Variants in ZNF423 observed in about 807,000 individuals in gnomAD.
The protein encoded by ZNF423 is zinc finger protein 423.
In ZNF423, 12 loss-of-function variants were observed where a neutral mutation model predicts 95.8. That is an observed-to-expected ratio of 0.13 (90% CI 0.08 to 0.20). ZNF423 has a LOEUF of 0.20. ZNF423 is among the 10% of genes least tolerant of loss of function. The pLI, the probability that ZNF423 is intolerant of heterozygous loss-of-function variation, is 1.00. For synonymous variants in ZNF423, 749 were observed against 711.9 expected (o/e 1.05, Z -0.83); for missense variants, 1,316 against 1,737.1 (o/e 0.76, Z 4.31).
chr16:49,696,489 C>T (rs939879569), intron 3 of ZNF423, among the ~76,000 whole-genome samples: 8 of 152,300 alleles, frequency 5.3e-5, no homozygotes, highest in African/African-American at 1.4e-4. Flanking sequence ...CCATCAGCCC[C>T]GCTCTCAAGG....
At chr16:49,730,117 C>G (rs896389059) in intron 3 of ZNF423, among the ~76,000 whole-genome samples, 1 of 152,166 alleles carries the variant, frequency 6.6e-6, no homozygotes, top group Non-Finnish European at 1.5e-5. Context: ...ACTCCCCACC[C>G]CAATCACCCC....
intron 4 of ZNF423, among the ~76,000 whole-genome samples, chr16:49,628,283 T>C (rs1288503220): frequency 6.7e-6 from 1 of 149,426 alleles, no homozygotes. Flanking sequence ...TATCCACACA[T>C]CTACACACAC....
Position 49,636,348 on chromosome 16 carries a change from C to A in ZNF423, c.2828G>T (p.Cys943Phe). 1 of 1,612,890 alleles carries A rather than the reference C, an allele frequency of 6.2e-7. No homozygotes were observed. Among genetic ancestry groups the A allele is most frequent in the South Asian group, 1.1e-5 (1 of 91,076 alleles). Residue 943 changes from cysteine to phenylalanine, a missense_variant, in exon 4 of 8, where the codon TGT (cysteine) becomes TTT (phenylalanine). Cys to Phe is a radical substitution (Grantham distance 205, BLOSUM62 -2). Transcript: ENST00000563137. This position sits in a 1 kb window ranked among gnomAD's most constrained non-coding sequence, Gnocchi z 8.6. ...GTTCTCCGAGAAGAAAGTCCGTGAA[C>A]AAACGTTGCACTTGTGACTGCCCTT... ...FIKGSHKCNV[C>F]SRTFFSENGL...
Position 49,659,476 on chromosome 16 carries a change from G to A in ZNF423, c.302-20602C>T, listed in dbSNP as rs560186359. ...CGATGTATTGTGCATTGTACACATC[G>A]GGATACTGAGGCCCTTGAGGTCTGA... On this transcript the variant is annotated intron_variant, in intron 3 of 7. Coordinates refer to ENST00000563137, the MANE Select transcript of ZNF423 (RefSeq NM_001379286.1). Among the ~76,000 whole-genome samples the A allele has an allele frequency of 1.1e-4, 17 of 152,292 alleles. No individual in the cohort carries two copies. In the East Asian group the frequency reaches 2.1e-3, roughly 19 times the overall value.
rs1160114200 is a variant in ZNF423, at chr16:49,636,854, C to T, written c.2322G>A (p.Gln774=). 2 of 1,614,074 alleles carry T rather than the reference C, an allele frequency of 1.2e-6. No homozygotes were observed. The highest frequency in any genetic ancestry group is 3.3e-5 in the Admixed American group (2 of 60,034). Residue 774 remains glutamine (Q), a synonymous_variant, in exon 4 of 8, where the codon CAG becomes CAA. Transcript: ENST00000563137. This position sits in a 1 kb window ranked among gnomAD's most constrained non-coding sequence, Gnocchi z 8.6. ...NWDFRKEADL[Q]VHVKHSHLGN... is the part of the protein sequence containing the mutation. ...CCAGGTGGCTGTGTTTGACGTGCAC[C>T]TGCAGGTCAGCCTCCTTGCGGAAGT...
intron 3 of ZNF423, among the ~76,000 whole-genome samples, chr16:49,704,642 T>C (rs2032294921): frequency 6.6e-6 from 1 of 152,184 alleles, no homozygotes; most frequent in South Asian, 2.1e-4. Context: ...GAAGGCTTTG[T>C]TCCCAGGCTC....
chr16:49,785,730 C>A (rs969169765), intron 2 of ZNF423, among the ~76,000 whole-genome samples: 4 of 152,222 alleles, frequency 2.6e-5, no homozygotes, highest in Non-Finnish European at 5.9e-5. Flanking sequence ...CACCACGGCC[C>A]CCTCACGTAT....
chr16:49,687,911 G>A (rs2031626801), intron 3 of ZNF423, among the ~76,000 whole-genome samples: 1 of 152,072 alleles, frequency 6.6e-6, no homozygotes, highest in South Asian at 2.1e-4. Flanking sequence ...GGGCTCCTTG[G>A]AGACCCCAAG....
At chr16:49,586,354 C>T (rs969916831) in intron 5 of ZNF423, among the ~76,000 whole-genome samples, 1 of 151,852 alleles carries the variant, frequency 6.6e-6, no homozygotes, top group Non-Finnish European at 1.5e-5. Flanking sequence ...ACTTGCATAT[C>T]TATAATTAAA....
intron 1 of ZNF423, among the ~76,000 whole-genome samples, chr16:49,842,398 AAGGAAGGAAGGAAGGCAGGC>A (rs1237379099): frequency 1.5e-3 from 190 of 125,530 alleles, no homozygotes; most frequent in African/African-American, 5.1e-3. Context: ...GGAAGGAAGG[AAGGAAGGAAGGAAGGCAGGC>A]AGGCAGGCAG....
intron 2 of ZNF423, among the ~76,000 whole-genome samples, chr16:49,776,443 G>A (rs899723674): frequency 4.6e-5 from 7 of 152,178 alleles, no homozygotes; most frequent in African/African-American, 1.2e-4. Flanking sequence ...GAGGCCACCC[G>A]GGGAGGGAAG....
At chr16:49,857,450 G>T (rs1054121362), upstream of ZNF423, among the ~76,000 whole-genome samples, 3 of 152,094 alleles carry the variant, frequency 2.0e-5, no homozygotes, top group African/African-American at 7.2e-5. The surrounding 1 kb of genome is among the most constrained non-coding windows in gnomAD (Gnocchi z 6.2). Flanking sequence ...TCGCCAAGAC[G>T]CATGAGCCTC....
At chr16:49,628,084 T>A (rs185692770) in intron 4 of ZNF423, among the ~76,000 whole-genome samples, 2 of 113,404 alleles carry the variant, frequency 1.8e-5, no homozygotes, top group Admixed American at 8.8e-5. Context: ...CCCATCCACC[T>A]ATCCATCCAC....
intron 3 of ZNF423, among the ~76,000 whole-genome samples, chr16:49,642,720 G>C (rs185874507): frequency 6.6e-6 from 1 of 151,546 alleles, no homozygotes; most frequent in Admixed American, 6.6e-5. Flanking sequence ...CAGTGCTCTA[G>C]AAACAGGCTA....
chr16:49,756,990 A>G (rs954342053), intron 2 of ZNF423, among the ~76,000 whole-genome samples: 3 of 152,184 alleles, frequency 2.0e-5, no homozygotes, highest in Non-Finnish European at 4.4e-5. Context: ...CCACCTAACT[A>G]TAGTGAGAAG....
chr16:49,791,358 C>G (rs867900473), intron 1 of ZNF423, among the ~76,000 whole-genome samples: 9 of 152,202 alleles, frequency 5.9e-5, no homozygotes, highest in Admixed American at 2.0e-4. Flanking sequence ...CAGACAGCCT[C>G]CAAAACATGG....
intron 3 of ZNF423, among the ~76,000 whole-genome samples, chr16:49,690,051 G>T (rs1000905109): frequency 6.6e-6 from 1 of 152,132 alleles, no homozygotes; most frequent in Non-Finnish European, 1.5e-5. Flanking sequence ...ACCCCCAGGG[G>T]TGTCCTGTTC....
chr16:49,585,400 C>T (rs750358749), intron 5 of ZNF423, among the ~76,000 whole-genome samples: 31 of 152,274 alleles, frequency 2.0e-4, no homozygotes, highest in Admixed American at 7.8e-4. Context: ...GAGGGTCAGA[C>T]CCCCCACCCC....
chr16:49,705,379 A>G (rs2032316484), intron 3 of ZNF423, among the ~76,000 whole-genome samples: 2 of 152,198 alleles, frequency 1.3e-5, no homozygotes, highest in African/African-American at 2.4e-5. Context: ...CAATATTAAT[A>G]TGATAAGCTG....
Sources: gnomAD v4.1 joint callset for allele counts (sites outside exome capture counted in the v4.1 genomes callset) on GRCh38, gnomAD v4.1.1 for gene constraint, Gnocchi (gnomAD v3.1) non-coding constraint, MANE v1.5 for transcripts, NCBI Gene and HGNC (gene_info 2026-07-23, HGNC 2026-07-21) for gene names.